The following TNFRSF8 variants were observed in gnomAD, a reference collection of about 807,000 sequenced individuals.
TNFRSF8 encodes the protein TNF receptor superfamily member 8.
TNFRSF8 carries 26 observed loss-of-function variants against 70.8 expected under a neutral mutation model. The ratio of observed to expected loss-of-function variants is 0.37; its 90% CI spans 0.27 to 0.51. The LOEUF is 0.51. TNFRSF8 is among the 20% of genes least tolerant of loss of function. The pLI, the probability that TNFRSF8 is intolerant of heterozygous loss-of-function variation, is 0.94. For synonymous variants in TNFRSF8, 356 were observed against 339.2 expected (o/e 1.05, Z -0.54); for missense variants, 720 against 807.9 (o/e 0.89, Z 1.32).
At chr1:12,092,069 G>A (rs935352638) in intron 2 of TNFRSF8, among the ~76,000 whole-genome samples, 15 of 152,126 alleles carry the variant, frequency 9.9e-5, no homozygotes, top group African/African-American at 2.4e-4. Flanking sequence ...GACTGGGGTC[G>A]CCTGGCTTGT....
Position 12,113,944 on chromosome 1 carries a change from G to A in TNFRSF8, c.794-1633G>A, listed in dbSNP as rs996518409. On this transcript the variant is annotated intron_variant, in intron 7 of 14. Transcript: ENST00000263932. This position sits in a 1 kb window ranked among gnomAD's most constrained non-coding sequence, Gnocchi z 4.9. ...TGACAGGTAGGTGGCAAAGGCTCTG[G>A]AAGGGCCAGAACATCACTGCAGCCA... 2.6e-5 allele frequency among the ~76,000 whole-genome samples: 4 copies of A among 152,202 alleles called. No homozygotes were observed. Among genetic ancestry groups the A allele is most frequent in the African/African-American group, 4.8e-5 (2 of 41,440 alleles).
At position 12,135,672 on chromosome 1, in the gene TNFRSF8, C is replaced by T. The variant is rs6661027; in HGVS notation, c.1335+59C>T. ...CGTGCCCCTAAATCTGACTCCTTCC[C>T]TAACAGATCTGAAGTTTTGAGAGCT... On this transcript the variant is annotated intron_variant, in intron 13 of 14. Transcript: ENST00000263932. The T allele has an allele frequency of 3.1e-3, 5,046 of 1,603,708 alleles. 136 individuals are homozygous for T. The African/African-American group carries it at 0.057, about 18-fold the overall frequency.
At position 12,097,141 on chromosome 1, in the gene TNFRSF8, C is replaced by T; in HGVS notation, c.192C>T (p.Asp64=). 6.2e-7 allele frequency: 1 copy of T among 1,614,120 alleles called. No individual in the cohort carries two copies. Among genetic ancestry groups the T allele is most frequent in the Non-Finnish European group, 8.5e-7 (1 of 1,180,010 alleles). Residue 64 remains aspartate, a synonymous_variant, in exon 3 of 15, where the codon GAC becomes GAT. Transcript: ENST00000263932. ...AGCAGTGCCCACAGAGGCCTACTGA[C>T]TGCAGGAAGCAGTGTGAGCCTGACT... is the stretch of plus-strand genomic sequence containing the variant. ...PTQQCPQRPT[D]CRKQCEPDYY...
Position 12,110,310 on chromosome 1 carries a change from T to TCTCCCCACCAGGAAAAGA in TNFRSF8, c.676+107_676+108insTCCCCACCAGGAAAAGAC. On this transcript the variant is annotated intron_variant, in intron 6 of 14. Transcript: ENST00000263932. This position sits in a 1 kb window ranked among gnomAD's most constrained non-coding sequence, Gnocchi z 4.0. ...AGGCGGGCAGTGATCTGTGGTCTTTTCCTGGTGGGGAGAGAAGACGGTGGT... is the reference window on the plus strand; with the variant it reads ...AGGCGGGCAGTGATCTGTGGTCTTTTCTCCCCACCAGGAAAAGACCTGGTGGGGAGAGAAGACGGTGGT... 8.3e-7 allele frequency: 1 copy of TCTCCCCACCAGGAAAAGA among 1,202,816 alleles called. No individual in the cohort carries two copies. Among genetic ancestry groups the TCTCCCCACCAGGAAAAGA allele is most frequent in the Non-Finnish European group, 1.1e-6 (1 of 886,124 alleles). 74.5% of individuals were successfully genotyped at this position (1,202,816 alleles called of 1,614,324 possible).
At chr1:12,093,176 A>G (rs1176495221) in intron 2 of TNFRSF8, among the ~76,000 whole-genome samples, 2 of 152,118 alleles carry the variant, frequency 1.3e-5, no homozygotes, top group East Asian at 3.8e-4. Context: ...TTTTAACTGG[A>G]TTGCCTCTTC....
intron 2 of TNFRSF8, among the ~76,000 whole-genome samples, chr1:12,092,052 G>A (rs947291583): frequency 6.6e-6 from 1 of 152,154 alleles, no homozygotes; most frequent in Non-Finnish European, 1.5e-5. Flanking sequence ...ACTGGTCCCC[G>A]GCTGGGGACT....
rs1031083443 is a variant in TNFRSF8, at chr1:12,141,251, C to T, written c.1544-1036C>T. 8.5e-5 allele frequency among the ~76,000 whole-genome samples: 13 copies of T among 152,210 alleles called. No individual in the cohort carries two copies. In the East Asian group the frequency reaches 2.3e-3, roughly 27 times the overall value. On this transcript the variant is annotated intron_variant, in intron 14 of 14. Transcript: ENST00000263932. This position sits in a 1 kb window ranked among gnomAD's most constrained non-coding sequence, Gnocchi z 5.4. ...CCCCACCCCAGCTCTCAAGTTCCCT[C>T]TTGAGCTTCCCCATTCTGGCCTCCA... is the stretch of plus-strand genomic sequence containing the variant.
At chr1:12,095,724 G>C (rs1557585089) in intron 2 of TNFRSF8, among the ~76,000 whole-genome samples, 1 of 152,204 alleles carries the variant, frequency 6.6e-6, no homozygotes, top group South Asian at 2.1e-4. Context: ...AATGATTAGG[G>C]GCACAAGAAA....
At chr1:12,081,519 G>A (rs1158537387) in intron 1 of TNFRSF8, among the ~76,000 whole-genome samples, 2 of 152,114 alleles carry the variant, frequency 1.3e-5, no homozygotes, top group Non-Finnish European at 2.9e-5. Flanking sequence ...CTCTCCTACT[G>A]GAGGGAGGAG....
intron 2 of TNFRSF8, 56 bp from the exon 3 acceptor site, chr1:12,097,045 T>C: frequency 7.1e-7 from 1 of 1,399,326 alleles, no homozygotes. Flanking sequence ...GGGCATTGGG[T>C]CATAAGGCCT....
In TNFRSF8 at chr1:12,110,150, C is replaced by T. The variant is rs776866242; in HGVS notation, c.622C>T (p.Leu208=). 1.2e-6 allele frequency: 2 copies of T among 1,612,910 alleles called. No homozygotes were observed. Among genetic ancestry groups the T allele is most frequent in the East Asian group, 2.2e-5 (1 of 44,880 alleles). ...CCTCGCCCAGGAAGCTGCTTCTAAA[C>T]TGACGAGGGCTCCCGACTCTCCCTC... ...TRLAQEAASK[L]TRAPDSPSSV... The change falls in exon 6 of 15, where the codon CTG becomes TTG. Residue 208 remains leucine (L), a synonymous_variant. Coordinates refer to ENST00000263932, the MANE Select transcript of TNFRSF8 (RefSeq NM_001243.5). The surrounding 1 kb of genome is among the most constrained non-coding windows in gnomAD (Gnocchi z 4.0).
At chr1:12,106,596 T>C (rs753242810) in intron 4 of TNFRSF8, among the ~76,000 whole-genome samples, 1 of 152,094 alleles carries the variant, frequency 6.6e-6, no homozygotes, top group Non-Finnish European at 1.5e-5. Context: ...TAGAGATTCA[T>C]TGAATTAAGA....
intron 1 of TNFRSF8, among the ~76,000 whole-genome samples, chr1:12,065,995 A>G (rs1640733514): frequency 6.6e-6 from 1 of 152,174 alleles, no homozygotes. Flanking sequence ...TGGCTGGACA[A>G]TTTACCCTCC....
chr1:12,118,603 A>G (rs1460746436), intron 8 of TNFRSF8, among the ~76,000 whole-genome samples: 3 of 152,246 alleles, frequency 2.0e-5, no homozygotes, highest in Admixed American at 6.5e-5. Context: ...CGTTACATCC[A>G]TAAGGTGGGC....
Position 12,066,537 on chromosome 1 carries a change from G to C in TNFRSF8, c.63+2876G>C, listed in dbSNP as rs192319422. Among the ~76,000 whole-genome samples, 711 of 152,206 alleles carry C rather than the reference G, an allele frequency of 4.7e-3. 2 individuals carry two copies. Among genetic ancestry groups the C allele is most frequent in the Non-Finnish European group, 8.5e-3 (575 of 68,008 alleles). On this transcript the variant is annotated intron_variant, in intron 1 of 14. Transcript: ENST00000263932. Reference sequence around the variant, plus strand: ...CCTGGCTAATTTTTGTATTTTAGTAGAGATGGGGTTTCATAATGTTGGCCA... The same window carrying C: ...CCTGGCTAATTTTTGTATTTTAGTACAGATGGGGTTTCATAATGTTGGCCA...
intron 3 of TNFRSF8, among the ~76,000 whole-genome samples, chr1:12,099,391 C>G (rs560715917): frequency 6.6e-6 from 1 of 152,128 alleles, no homozygotes; most frequent in South Asian, 2.1e-4. Context: ...GTGATCCAGC[C>G]GCCTTGGCCT....
chr1:12,075,496 ACTCT>A (rs1640928862), intron 1 of TNFRSF8, among the ~76,000 whole-genome samples: 1 of 151,894 alleles, frequency 6.6e-6, no homozygotes, highest in East Asian at 1.9e-4. Context: ...TGACTCCCTG[ACTCT>A]CTCTTCTGCC....
At chr1:12,135,457 C>A in intron 12 of TNFRSF8, 131 bp from the exon 13 acceptor site, 1 of 1,282,564 alleles carries the variant, frequency 7.8e-7, no homozygotes. Context: ...GCTCTCCAGA[C>A]TGAGGACCTG....
At chr1:12,139,915 G>A (rs1171333587) in intron 14 of TNFRSF8, among the ~76,000 whole-genome samples, 1 of 152,234 alleles carries the variant, frequency 6.6e-6, no homozygotes, top group Non-Finnish European at 1.5e-5. Flanking sequence ...GGGATTATAG[G>A]CATGAGCCAC....
Sources: gnomAD v4.1 joint callset for allele counts (sites outside exome capture counted in the v4.1 genomes callset) on GRCh38, gnomAD v4.1.1 for gene constraint, Gnocchi (gnomAD v3.1) non-coding constraint, MANE v1.5 for transcripts, NCBI Gene and HGNC (gene_info 2026-07-23, HGNC 2026-07-21) for gene names.